LIMCH1: variants seen among roughly 807,000 people sequenced by gnomAD.
LIMCH1 encodes LIM and calponin homology domains 1.
Under a neutral mutation model 176.5 loss-of-function variants are expected in LIMCH1, and 113 were observed. The observed-to-expected ratio is 0.64, with a 90% CI of 0.55 to 0.75. The LOEUF (loss-of-function observed/expected upper bound fraction) is 0.75. Ranked by LOEUF, LIMCH1 falls within the 30% of genes least tolerant of loss-of-function variation. The pLI, the probability that LIMCH1 is intolerant of heterozygous loss-of-function variation, is 0.00. For missense variants in LIMCH1, 1,674 were observed against 1,814.9 expected (o/e 0.92, Z 1.41); for synonymous variants, 619 against 645.9 (o/e 0.96, Z 0.63).
At chr4:41,377,622 A>G (rs2054966320) in intron 1 of LIMCH1, among the ~76,000 whole-genome samples, 1 of 152,238 alleles carries the variant, frequency 6.6e-6, no homozygotes, top group Non-Finnish European at 1.5e-5. Context: ...TGCTATAACT[A>G]AATACCACAG....
chr4:41,620,767 G>A, intron 7 of LIMCH1, 77 bp downstream of exon 7: 2 of 1,420,790 alleles, frequency 1.4e-6, no homozygotes, highest in Non-Finnish European at 1.9e-6. Context: ...GAGAGTTGGA[G>A]TTTTCATCTG....
At chr4:41,526,389 A>T in intron 3 of LIMCH1, among the ~76,000 whole-genome samples, 1 of 151,732 alleles carries the variant, frequency 6.6e-6, no homozygotes. Context: ...AAAGTCACCT[A>T]CTAACCCATT....
At chr4:41,437,685 A>G (rs1012512550) in intron 1 of LIMCH1, among the ~76,000 whole-genome samples, 1 of 152,206 alleles carries the variant, frequency 6.6e-6, no homozygotes. Flanking sequence ...AGTGGCCAGG[A>G]GGGCCCTATG....
chr4:41,541,238 A>G (rs2078598803), intron 1 of LIMCH1, among the ~76,000 whole-genome samples: 1 of 152,200 alleles, frequency 6.6e-6, no homozygotes, highest in African/African-American at 2.4e-5. Context: ...TAATGATATA[A>G]AATAAGAGCC....
At chr4:41,578,847 A>G (rs925696133) in intron 1 of LIMCH1, among the ~76,000 whole-genome samples, 1 of 151,944 alleles carries the variant, frequency 6.6e-6, no homozygotes, top group African/African-American at 2.4e-5. Flanking sequence ...GATTACAGGC[A>G]TGCAAACCCA....
At chr4:41,653,108 ATAAGC>A (rs2094356228) in intron 18 of LIMCH1, among the ~76,000 whole-genome samples, 1 of 152,176 alleles carries the variant, frequency 6.6e-6, no homozygotes, top group South Asian at 2.1e-4. Context: ...CTGTCAGACT[ATAAGC>A]TAAGTTGTTA....
chr4:41,453,827 C>T (rs1177523823), intron 1 of LIMCH1: 1 of 152,180 alleles, frequency 6.6e-6, no homozygotes, highest in Non-Finnish European at 1.5e-5. Context: ...TTATCTAAAG[C>T]TTGTTTCTTA....
chr4:41,368,193 A>G (rs537847935), intron 1 of LIMCH1, among the ~76,000 whole-genome samples: 1 of 152,336 alleles, frequency 6.6e-6, no homozygotes, highest in East Asian at 1.9e-4. Flanking sequence ...ATTATTTGGG[A>G]GACTTGGCTA....
intron 5 of LIMCH1, among the ~76,000 whole-genome samples, chr4:41,616,416 C>T (rs1327221212): frequency 2.6e-5 from 4 of 152,040 alleles, no homozygotes; most frequent in Non-Finnish European, 5.9e-5. Flanking sequence ...GTAATTCCAG[C>T]TACTCAGGAG....
intron 1 of LIMCH1, among the ~76,000 whole-genome samples, chr4:41,391,247 G>A (rs1374671823): frequency 6.6e-6 from 1 of 152,144 alleles, no homozygotes; most frequent in Non-Finnish European, 1.5e-5. Context: ...CTTCATTTGT[G>A]TGAAGCCTAT....
chr4:41,586,179 G>C (rs1387176119), intron 1 of LIMCH1, among the ~76,000 whole-genome samples: 1 of 147,868 alleles, frequency 6.8e-6, no homozygotes, highest in Non-Finnish European at 1.5e-5. Flanking sequence ...CGTGATCTCA[G>C]CTCACTGCAT....
intron 1 of LIMCH1, among the ~76,000 whole-genome samples, chr4:41,427,276 A>G (rs2061201480): frequency 6.6e-6 from 1 of 151,856 alleles, no homozygotes; most frequent in South Asian, 2.1e-4. Flanking sequence ...GCAGTGAACT[A>G]CTCACTTCTT....
At chr4:41,374,989 G>A (rs1316051337) in intron 1 of LIMCH1, among the ~76,000 whole-genome samples, 3 of 152,130 alleles carry the variant, frequency 2.0e-5, no homozygotes, top group East Asian at 3.8e-4. Context: ...ACCCTGGTCC[G>A]TCCCTATCAA....
At chr4:41,573,009 C>T (rs1459050472) in intron 1 of LIMCH1, among the ~76,000 whole-genome samples, 1 of 152,188 alleles carries the variant, frequency 6.6e-6, no homozygotes, top group African/African-American at 2.4e-5. Flanking sequence ...AGGAAAATCT[C>T]CAAGTAATGT....
chr4:41,501,368 A>C (rs1188104615), intron 2 of LIMCH1, among the ~76,000 whole-genome samples: 3 of 152,188 alleles, frequency 2.0e-5, no homozygotes, highest in Non-Finnish European at 4.4e-5. Flanking sequence ...TTTTGACCAG[A>C]GCTGTATGAA....
upstream of LIMCH1, among the ~76,000 whole-genome samples, chr4:41,536,000 C>T (rs1253636533): frequency 6.6e-6 from 1 of 152,148 alleles, no homozygotes; most frequent in Non-Finnish European, 1.5e-5. Context: ...TGTGACATTA[C>T]ATCAGTTCCT....
intron 1 of LIMCH1, among the ~76,000 whole-genome samples, chr4:41,393,502 C>G (rs2057478418): frequency 6.6e-6 from 1 of 152,160 alleles, no homozygotes; most frequent in African/African-American, 2.4e-5. Flanking sequence ...TTTAAATGTA[C>G]CTTTCAAACA....
At chr4:41,638,004 G>T (rs1237476906) in intron 13 of LIMCH1, among the ~76,000 whole-genome samples, 1 of 152,198 alleles carries the variant, frequency 6.6e-6, no homozygotes, top group Admixed American at 6.5e-5. Flanking sequence ...TCCACCATCA[G>T]AATTGCAGAA....
intron 1 of LIMCH1, among the ~76,000 whole-genome samples, chr4:41,549,055 G>A (rs887969658): frequency 3.3e-5 from 5 of 150,960 alleles, no homozygotes; most frequent in African/African-American, 9.7e-5. Flanking sequence ...GTCCCCTACT[G>A]TTAATTTTTT....
Sources: allele counts gnomAD v4.1 joint callset (sites outside exome capture counted in the v4.1 genomes callset), GRCh38; gene constraint gnomAD v4.1.1; transcripts MANE v1.5; gene names NCBI Gene and HGNC (gene_info 2026-07-23, HGNC 2026-07-21).